Variants in ADNP observed in about 807,000 individuals in gnomAD.
The protein encoded by ADNP is activity-dependent neuroprotector homeobox protein.
Under a neutral mutation model 84.9 loss-of-function variants are expected in ADNP, and 4 were observed. The observed-to-expected ratio is 0.05, with a 90% CI of 0.02 to 0.11. The LOEUF is 0.11. ADNP is among the 10% of genes least tolerant of loss of function. The pLI is 1.00. For synonymous variants in ADNP, 554 were observed against 468.1 expected, an observed-to-expected ratio of 1.18 and a Z score of -2.37; for missense variants, 1,132 against 1,326.0, an observed-to-expected ratio of 0.85 and a Z score of 2.27.
intron 5 of ADNP, among the ~76,000 whole-genome samples, chr20:50,900,310 C>CCATA (rs1381026622): frequency 1.3e-5 from 2 of 152,128 alleles, no homozygotes; most frequent in Non-Finnish European, 2.9e-5. Flanking sequence ...GAGCAACAGG[C>CCATA]CATACCATAT....
At chr20:50,916,986 T>C (rs550694012) in intron 2 of ADNP, among the ~76,000 whole-genome samples, 2 of 152,312 alleles carry the variant, frequency 1.3e-5, no homozygotes, top group East Asian at 1.9e-4. Flanking sequence ...AGCAGCACTC[T>C]CAATCACTGA....
intron 2 of ADNP, chr20:50,913,772 C>A: frequency 2.2e-6 from 1 of 451,392 alleles, no homozygotes; most frequent in Non-Finnish European, 4.2e-6. Flanking sequence ...ACTTGGCCTA[C>A]AGAGGGAAGC....
intron 5 of ADNP, among the ~76,000 whole-genome samples, chr20:50,899,723 C>T (rs1981768625): frequency 6.7e-6 from 1 of 150,268 alleles, no homozygotes; most frequent in South Asian, 2.1e-4. Flanking sequence ...TACCATTGAT[C>T]TTGACCCTGT....
chr20:50,893,642 A>C lies in ADNP; in HGVS notation c.1072T>G (p.Ser358Ala), dbSNP rs747807042. The change falls in exon 6 of 6, where the codon TCC becomes GCC. Residue 358 changes from serine to alanine, a missense_variant. By Grantham distance (99) the Ser-to-Ala change is moderately conservative. Around this residue, in one of 10 missense-constraint regions of ADNP, gnomAD observed 239 missense variants for 213.2 expected, o/e 1.12. Transcript: ENST00000621696. This position sits in a 1 kb window ranked among gnomAD's most constrained non-coding sequence, Gnocchi z 4.4. ...RLGLGGNAPVSIPQQSQSVKQ... is the reference protein window; with the variant it reads ...RLGLGGNAPVAIPQQSQSVKQ... ...ACAGACTGAGATTGTTGAGGAATGG[A>C]AACTGGTGCGTTGCCACCTAGACCC... 1 of 1,614,172 alleles carries C rather than the reference A, an allele frequency of 6.2e-7. No individual in the cohort carries two copies. The highest frequency in any genetic ancestry group is 8.5e-7 in the Non-Finnish European group (1 of 1,180,032).
At chr20:50,896,162 T>C (rs1326405944) in intron 5 of ADNP, among the ~76,000 whole-genome samples, 2 of 152,020 alleles carry the variant, frequency 1.3e-5, no homozygotes, top group African/African-American at 4.8e-5. Flanking sequence ...GAGGCAGAGG[T>C]TGCAGTGAGC....
chr20:50,904,126 CTAG>C, intron 3 of ADNP, 125 bp from the exon 4 acceptor site: 1 of 672,996 alleles, frequency 1.5e-6, no homozygotes, highest in Non-Finnish European at 2.6e-6. Flanking sequence ...ATATCCTCAT[CTAG>C]TGTGTACACA....
At chr20:50,914,884 TA>T (rs1568736398) in intron 2 of ADNP, among the ~76,000 whole-genome samples, 1 of 152,206 alleles carries the variant, frequency 6.6e-6, no homozygotes, top group East Asian at 1.9e-4. Flanking sequence ...ATTTTTGTGA[TA>T]GGAGGAATAT....
chr20:50,891,456 C>A lies in ADNP; in HGVS notation c.3258G>T (p.Glu1086Asp), dbSNP rs774543782. 1.3e-5 allele frequency: 21 copies of A among 1,612,500 alleles called. No homozygotes were observed. The highest frequency in any genetic ancestry group is 1.8e-5 in the Non-Finnish European group (21 of 1,179,904). ...QFDNMTDGVA[E>D]PMHGSLAGVK... is the part of the protein sequence containing the mutation. The stretch of plus-strand genomic sequence containing the variant: ...CTCCGGCTAAGCTGCCATGCATGGG[C>A]TCAGCTACTCCATCAGTCATGTTGT... Residue 1086 changes from glutamate to aspartate, a missense_variant, in exon 6 of 6, where the codon GAG becomes GAT. Physicochemically the swap from Glu to Asp is conservative, Grantham distance 45. This residue lies in a region of ADNP where 381 missense variants were observed against 319.9 expected (regional missense o/e 1.19). Transcript: ENST00000621696.
At chr20:50,896,224 CAG>C (rs1172778257) in intron 5 of ADNP, among the ~76,000 whole-genome samples, 1 of 152,038 alleles carries the variant, frequency 6.6e-6, no homozygotes, top group East Asian at 1.9e-4. Flanking sequence ...GACTCCGTCT[CAG>C]AAACAAACAA....
intron 2 of ADNP, among the ~76,000 whole-genome samples, chr20:50,924,535 G>C (rs1311171176): frequency 1.3e-5 from 2 of 152,210 alleles, no homozygotes; most frequent in African/African-American, 2.4e-5. Context: ...TTTCATCATT[G>C]TATGTGGTAG....
At chr20:50,908,275 C>G (rs968461307) in intron 2 of ADNP, among the ~76,000 whole-genome samples, 8 of 152,036 alleles carry the variant, frequency 5.3e-5, no homozygotes, top group Non-Finnish European at 1.2e-4. Flanking sequence ...CTCCCCATCC[C>G]AGAAGGGGCC....
intron 2 of ADNP, among the ~76,000 whole-genome samples, chr20:50,921,495 T>C (rs1983953585): frequency 6.6e-6 from 1 of 152,232 alleles, no homozygotes; most frequent in South Asian, 2.1e-4. Flanking sequence ...AAAAAATATG[T>C]GGAGTCACTG....
intron 2 of ADNP, among the ~76,000 whole-genome samples, chr20:50,924,249 T>C (rs1056446704): frequency 3.0e-4 from 45 of 152,250 alleles, no homozygotes; most frequent in African/African-American, 1.1e-3. Flanking sequence ...TAGATTCTTA[T>C]ACAGTTAACT....
Position 50,915,241 on chromosome 20 carries a change from T to C in ADNP, c.-89-10392A>G, listed in dbSNP as rs181917050. ...ATTTAATACCTGTCTATATCACTCA[T>C]TGAGTCAAAAACTGTGGTCACGGTA... On this transcript the variant is annotated intron_variant, in intron 2 of 5. Coordinates refer to ENST00000621696, the MANE Select transcript of ADNP (RefSeq NM_001282531.3). 5.2e-3 allele frequency among the ~76,000 whole-genome samples: 791 copies of C among 152,274 alleles called. 9 individuals are homozygous for C. The highest frequency in any genetic ancestry group is 0.018 in the African/African-American group (738 of 41,546).
rs1981075051 is a variant in ADNP, at chr20:50,893,721, G to A, written c.993C>T (p.Asn331=). ...MMSSVHLQQN[N]YGVKSVGQGY... Reference sequence around the variant, plus strand: ...CCTGGCCTACAGATTTGACTCCATAGTTGTTCTGCTGCAGATGAACACTGG... The same window carrying A: ...CCTGGCCTACAGATTTGACTCCATAATTGTTCTGCTGCAGATGAACACTGG... Residue 331 remains asparagine (N), a synonymous_variant, in exon 6 of 6, where the codon AAC becomes AAT. Transcript: ENST00000621696. The surrounding 1 kb of genome is among the most constrained non-coding windows in gnomAD (Gnocchi z 4.4). 2 of 1,614,092 alleles carry A rather than the reference G, an allele frequency of 1.2e-6. No individual in the cohort carries two copies. The highest frequency in any genetic ancestry group is 1.1e-5 in the South Asian group (1 of 91,074).
Position 50,902,252 on chromosome 20 carries a change from G to C in ADNP, c.109-143C>G, listed in dbSNP as rs188508683. The C allele has an allele frequency of 3.5e-5, 21 of 599,560 alleles. No homozygotes were observed. In the East Asian group the frequency reaches 5.3e-4, roughly 15 times the overall value. The allele number at this position is 599,560 out of a possible 1,614,324, so 37.1% of individuals were successfully genotyped here. On this transcript the variant is annotated intron_variant, in intron 4 of 5. Transcript: ENST00000621696. ...CAAGGACTTAAACTAGGAGTGATAA[G>C]GCTCTTAAATATAAAAAGGCATATG...
In ADNP at chr20:50,893,518, G is replaced by C; in HGVS notation, c.1196C>G (p.Ala399Gly). 3 of 1,613,742 alleles carry C rather than the reference G, an allele frequency of 1.9e-6. No homozygotes were observed. In the South Asian group the frequency reaches 3.3e-5, roughly 18 times the overall value. ...TAACTGGCCCGATGAGAGAGAAGAG[G>C]CATTAGCAGACTGCAGGGAGTATCT... ...PARYSLQSAN[A>G]SSLSSGQLKS... Residue 399 changes from alanine (A) to glycine (G), a missense_variant, in exon 6 of 6, where the codon GCC becomes GGC. Transcript: ENST00000621696. This position sits in a 1 kb window ranked among gnomAD's most constrained non-coding sequence, Gnocchi z 4.4.
chr20:50,923,245 T>C (rs746610515), intron 2 of ADNP, among the ~76,000 whole-genome samples: 1 of 152,174 alleles, frequency 6.6e-6, no homozygotes, highest in Non-Finnish European at 1.5e-5. Context: ...ACATAAAACG[T>C]TATTTTGATC....
intron 2 of ADNP, among the ~76,000 whole-genome samples, chr20:50,920,214 T>C (rs548704151): frequency 7.3e-6 from 1 of 136,682 alleles, no homozygotes; most frequent in Non-Finnish European, 1.5e-5. Context: ...GAGGCGGAGG[T>C]TGCAGTCACT....
Sources: gnomAD v4.1 joint callset for allele counts (sites outside exome capture counted in the v4.1 genomes callset) on GRCh38, gnomAD v4.1.1 for gene constraint, gnomAD v4.1.1 regional missense constraint, Gnocchi (gnomAD v3.1) non-coding constraint, MANE v1.5 for transcripts, NCBI Gene and HGNC (gene_info 2026-07-23, HGNC 2026-07-21) for gene names.